Variants in PDIA3 observed in about 807,000 individuals in gnomAD.
The protein encoded by PDIA3 is protein disulfide isomerase family A member 3, also known as protein disulfide-isomerase A3.
PDIA3 carries 16 observed loss-of-function variants against 56.9 expected under a neutral mutation model. That is an observed-to-expected ratio of 0.28 (90% CI 0.19 to 0.43). The LOEUF is 0.43. Ranked by LOEUF, PDIA3 falls within the 20% of genes least tolerant of loss-of-function variation. The pLI is 1.00. For synonymous variants in PDIA3, 192 were observed against 216.5 expected, an observed-to-expected ratio of 0.89 and a Z score of 0.99; for missense variants, 485 against 621.3, an observed-to-expected ratio of 0.78 and a Z score of 2.33.
At chr15:43,762,355 T>C (rs1343300661) in intron 4 of PDIA3, among the ~76,000 whole-genome samples, 5 of 151,864 alleles carry the variant, frequency 3.3e-5, no homozygotes, top group Admixed American at 6.6e-5. Context: ...CTACTAAAAA[T>C]ACAAAATTAG....
chr15:43,770,270 C>T lies in PDIA3; in HGVS notation c.1287C>T (p.Ile429=), dbSNP rs371186647. 6.6e-5 allele frequency: 107 copies of T among 1,613,928 alleles called. No individual in the cohort carries two copies. The highest frequency in any genetic ancestry group is 1.1e-4 in the East Asian group (5 of 44,870). Residue 429 remains isoleucine (I), a synonymous_variant, in exon 11 of 13, where the codon ATC becomes ATT. Transcript: ENST00000300289. Reference sequence around the variant, plus strand: ...AACAGCTCAGCAAAGACCCAAATATCGTCATAGCCAAGATGGATGCCACAG... The same window carrying T: ...AACAGCTCAGCAAAGACCCAAATATTGTCATAGCCAAGATGGATGCCACAG... ...LGEKLSKDPN[I]VIAKMDATAN... is the part of the protein sequence containing the mutation.
chr15:43,749,415 A>G (rs553541862), intron 1 of PDIA3, among the ~76,000 whole-genome samples: 1 of 152,244 alleles, frequency 6.6e-6, no homozygotes, highest in African/African-American at 2.4e-5. Context: ...TTAACATTTC[A>G]GCTGGAAATG....
intron 5 of PDIA3, among the ~76,000 whole-genome samples, chr15:43,764,864 A>C (rs747308971): frequency 2.6e-5 from 4 of 152,208 alleles, no homozygotes; most frequent in African/African-American, 9.6e-5. Flanking sequence ...ACCTGGTCCA[A>C]CGTGTTTGGA....
chr15:43,772,981 A>T lies in PDIA3; in HGVS notation c.*1763A>T. The T allele has an allele frequency of 1.2e-6, 1 of 804,372 alleles. No homozygotes were observed. Among genetic ancestry groups the T allele is most frequent in the South Asian group, 1.8e-5 (1 of 54,242 alleles). The allele number at this position is 804,372 out of a possible 1,614,324, so 49.8% of individuals were successfully genotyped here. A position where few individuals can be genotyped will look rare whatever the true frequency, so the allele number is the denominator to read the frequency against. ...TGAAAACCAAACCTCAAGAACCTAG[A>T]GCAGCTCTCTACTTGCCACCATGGA... On this transcript the variant is annotated 3_prime_UTR_variant, in exon 13 of 13. Transcript: ENST00000300289.
At position 43,756,721 on chromosome 15, in the gene PDIA3, A is replaced by G; in HGVS notation, c.319A>G (p.Arg107Gly). Residue 107 changes from arginine to glycine, a missense_variant, in exon 3 of 13, where the codon AGA becomes GGA. Arg to Gly is a moderately radical substitution (Grantham distance 125, BLOSUM62 -2). Coordinates refer to ENST00000300289, the MANE Select transcript of PDIA3 (RefSeq NM_005313.5). Reference protein sequence around the residue: ...VSGYPTLKIFRDGEEAGAYDG... With the variant: ...VSGYPTLKIFGDGEEAGAYDG... The stretch of plus-strand genomic sequence containing the variant: ...TGGATATCCAACCCTGAAGATATTT[A>G]GAGATGGTGAAGAAGCAGGTGCTTA... The G allele has an allele frequency of 6.2e-7, 1 of 1,610,168 alleles. No homozygotes were observed. Among genetic ancestry groups the G allele is most frequent in the South Asian group, 1.1e-5 (1 of 90,956 alleles).
At chr15:43,767,605 A>G (rs1169773649) in intron 8 of PDIA3, among the ~76,000 whole-genome samples, 2 of 151,118 alleles carry the variant, frequency 1.3e-5, no homozygotes, top group African/African-American at 4.9e-5. Flanking sequence ...CCCCGTCTCT[A>G]CTAAAAATAC....
At chr15:43,748,766 T>TG (rs1491136696) in intron 1 of PDIA3, among the ~76,000 whole-genome samples, 210 of 143,804 alleles carry the variant, frequency 1.5e-3, no homozygotes, top group Non-Finnish European at 2.1e-3. Context: ...TGTGTGTGTG[T>TG]TTGTGTATTT....
chr15:43,763,023 G>A, intron 4 of PDIA3, 54 bp from the exon 5 acceptor site: 1 of 1,562,170 alleles, frequency 6.4e-7, no homozygotes, highest in Non-Finnish European at 8.8e-7. Flanking sequence ...GGTTTGGAAT[G>A]TCCATCTGTC....
In PDIA3 at chr15:43,756,708, C is replaced by A; in HGVS notation, c.306C>A (p.Thr102=). The A allele has an allele frequency of 6.2e-7, 1 of 1,610,574 alleles. No homozygotes were observed. Among genetic ancestry groups the A allele is most frequent in the Non-Finnish European group, 8.5e-7 (1 of 1,178,626 alleles). The change falls in exon 3 of 13, where the codon ACC becomes ACA. Residue 102 remains threonine, a synonymous_variant. Coordinates refer to ENST00000300289, the MANE Select transcript of PDIA3 (RefSeq NM_005313.5). ...AATATGGAGTCAGTGGATATCCAAC[C>A]CTGAAGATATTTAGAGATGGTGAAG... The part of the protein sequence containing the change: ...CNKYGVSGYP[T]LKIFRDGEEA...
intron 1 of PDIA3, among the ~76,000 whole-genome samples, chr15:43,747,303 T>C (rs1170673401): frequency 6.6e-6 from 1 of 152,216 alleles, no homozygotes; most frequent in Non-Finnish European, 1.5e-5. Flanking sequence ...GATACCTCTG[T>C]CCAAACGAAA....
chr15:43,766,463 A>G (rs1443881422), intron 7 of PDIA3, among the ~76,000 whole-genome samples: 2 of 152,226 alleles, frequency 1.3e-5, no homozygotes, highest in African/African-American at 4.8e-5. Context: ...TATGCCTATA[A>G]TAGATTTCAG....
chr15:43,748,456 C>T (rs2086721363), intron 1 of PDIA3, among the ~76,000 whole-genome samples: 1 of 151,738 alleles, frequency 6.6e-6, no homozygotes, highest in Non-Finnish European at 1.5e-5. Context: ...CCAGCCTGGG[C>T]AACAAGAGCG....
At chr15:43,764,202 A>AC in intron 5 of PDIA3, among the ~76,000 whole-genome samples, 1 of 152,254 alleles carries the variant, frequency 6.6e-6, no homozygotes, top group East Asian at 1.9e-4. Context: ...ACAATTTGCA[A>AC]CCTCCCACGT....
Position 43,772,226 on chromosome 15 carries a change from T to C in PDIA3, c.*1008T>C, listed in dbSNP as rs1052597059. On this transcript the variant is annotated 3_prime_UTR_variant, in exon 13 of 13. Coordinates refer to ENST00000300289, the MANE Select transcript of PDIA3 (RefSeq NM_005313.5). ...GTCCAACTAAACCATTTATCTCCTT[T>C]TGTAGGTAAATTCAAATCCTGCCCA... 6.6e-6 allele frequency: 1 copy of C among 152,222 alleles called. No homozygotes were observed. The highest frequency in any genetic ancestry group is 1.5e-5 in the Non-Finnish European group (1 of 68,036). The allele number at this position is 152,222 out of a possible 1,614,324, so 9.4% of individuals were successfully genotyped here. A position where few individuals can be genotyped will look rare whatever the true frequency, so the allele number is the denominator to read the frequency against.
chr15:43,767,863 T>G (rs185547064), intron 8 of PDIA3, among the ~76,000 whole-genome samples: 45 of 152,024 alleles, frequency 3.0e-4, no homozygotes, highest in African/African-American at 1.1e-3. Context: ...TCCCAGCACT[T>G]TGGGAGGCTG....
rs368148196 is a variant in PDIA3 at position 43,769,534 on chromosome 15, A to G, written c.1154A>G (p.Asn385Ser). Residue 385 changes from asparagine (N) to serine (S), a missense_variant, in exon 10 of 13, where the codon AAT (asparagine) becomes AGT (serine). Coordinates refer to ENST00000300289, the MANE Select transcript of PDIA3 (RefSeq NM_005313.5). ...DGPVKVVVAE[N>S]FDEIVNNENK... ...GTTTTCCAGGTAGTGGTAGCAGAGA[A>G]TTTTGATGAAATAGTGAATAATGAA... 1.1e-4 allele frequency: 173 copies of G among 1,613,360 alleles called. No individual in the cohort carries two copies. The highest frequency in any genetic ancestry group is 3.2e-4 in the Admixed American group (19 of 60,000).
In PDIA3 at chr15:43,746,533, C is replaced by T. The variant is rs755209878; in HGVS notation, c.-7C>T. The T allele has an allele frequency of 1.3e-6, 2 of 1,591,122 alleles. No individual in the cohort carries two copies. The highest frequency in any genetic ancestry group is 2.7e-5 in the African/African-American group (2 of 74,022). ...CCTTCCGGCCGTCCCCACCCCACCTCGCCGCCATGCGCCTCCGCCGCCTAG... is the reference window on the plus strand; with the variant it reads ...CCTTCCGGCCGTCCCCACCCCACCTTGCCGCCATGCGCCTCCGCCGCCTAG... On this transcript the variant is annotated 5_prime_UTR_variant, in exon 1 of 13. Transcript: ENST00000300289.
At chr15:43,763,362 C>T (rs369044905) in intron 5 of PDIA3, among the ~76,000 whole-genome samples, 156 bp downstream of exon 5, 18 of 152,320 alleles carry the variant, frequency 1.2e-4, no homozygotes, top group African/African-American at 4.1e-4. Flanking sequence ...AAACGATTCT[C>T]GCGCCTCAAC....
intron 1 of PDIA3, 169 bp downstream of exon 1, chr15:43,746,875 G>A (rs2086710210): frequency 5.4e-6 from 4 of 747,558 alleles, no homozygotes; most frequent in Non-Finnish European, 8.7e-6. Context: ...GCCGAGAGCG[G>A]GGGAGTCGGT....
Sources: allele counts gnomAD v4.1 joint callset (sites outside exome capture counted in the v4.1 genomes callset), GRCh38; gene constraint gnomAD v4.1.1; transcripts MANE v1.5; gene names NCBI Gene and HGNC (gene_info 2026-07-23, HGNC 2026-07-21).